Variants in CCSER1 observed in about 807,000 individuals in gnomAD.
The protein encoded by CCSER1 is serine-rich coiled-coil domain-containing protein 1.
In CCSER1, 41 loss-of-function variants were observed where a neutral mutation model predicts 82.0. That is an observed-to-expected ratio of 0.50 (90% CI 0.39 to 0.65). The LOEUF is 0.65. CCSER1 is among the 30% of genes least tolerant of loss of function. The pLI is 0.00. For synonymous variants in CCSER1, 414 were observed against 383.9 expected, an observed-to-expected ratio of 1.08 and a Z score of -0.92; for missense variants, 1,119 against 1,064.2, an observed-to-expected ratio of 1.05 and a Z score of -0.72.
At chr4:91,041,261 T>C (rs965506605) in intron 9 of CCSER1, among the ~76,000 whole-genome samples, 1 of 152,160 alleles carries the variant, frequency 6.6e-6, no homozygotes, top group Non-Finnish European at 1.5e-5. Context: ...CACATATCAT[T>C]TGAATTTTAT....
intron 1 of CCSER1, among the ~76,000 whole-genome samples, chr4:90,302,114 T>C (rs1733256264): frequency 6.6e-6 from 1 of 152,138 alleles, no homozygotes; most frequent in African/African-American, 2.4e-5. Context: ...TTTATGTAGG[T>C]TTGAAATCCT....
At chr4:91,486,645 TAAC>T (rs970269207) in intron 10 of CCSER1, among the ~76,000 whole-genome samples, 7 of 152,128 alleles carry the variant, frequency 4.6e-5, no homozygotes, top group African/African-American at 1.7e-4. Flanking sequence ...AAATACAGCA[TAAC>T]AACTATTTAC....
At chr4:91,578,969 C>T (rs1763594560) in intron 10 of CCSER1, among the ~76,000 whole-genome samples, 1 of 151,768 alleles carries the variant, frequency 6.6e-6, no homozygotes, top group African/African-American at 2.4e-5. Context: ...AGAGAAATCA[C>T]AAATACCTCA....
rs1395242877 is a variant in CCSER1 at position 91,604,697 on chromosome 4, A to G, written c.*5640A>G. On this transcript the variant is annotated 3_prime_UTR_variant, in exon 11 of 11. Coordinates refer to ENST00000509176, the MANE Select transcript of CCSER1 (RefSeq NM_001145065.2). ...CTTATACATACTTAAAAAACAAGAT[A>G]TTTACAAAAATATTTTAGATATTCC... 3 of 152,056 alleles carry G rather than the reference A, an allele frequency of 2.0e-5. No homozygotes were observed. The highest frequency in any genetic ancestry group is 2.9e-5 in the Non-Finnish European group (2 of 67,944). 9.4% of individuals were successfully genotyped at this position (152,056 alleles called of 1,614,324 possible).
At chr4:91,004,082 G>A (rs569308835) in intron 9 of CCSER1, among the ~76,000 whole-genome samples, 18 of 152,272 alleles carry the variant, frequency 1.2e-4, no homozygotes, top group African/African-American at 2.6e-4. Context: ...GGTGTCTCCC[G>A]GGTCCTACAG....
intron 4 of CCSER1, among the ~76,000 whole-genome samples, chr4:90,415,010 A>G (rs114498121): frequency 0.013 from 1,917 of 152,314 alleles, 43 homozygotes; most frequent in African/African-American, 0.043. Flanking sequence ...AAAAAATAAG[A>G]TGAGGCTATG....
chr4:91,161,419 G>GT (rs1294946535), intron 10 of CCSER1, among the ~76,000 whole-genome samples: 1 of 152,136 alleles, frequency 6.6e-6, no homozygotes, highest in Non-Finnish European at 1.5e-5. Context: ...CTTTAAAGTA[G>GT]TTTTTTCCAA....
chr4:91,087,356 A>C (rs1435269649), intron 10 of CCSER1, among the ~76,000 whole-genome samples: 3 of 152,072 alleles, frequency 2.0e-5, no homozygotes. Flanking sequence ...CAAATTCTGC[A>C]TTTGTTTTAC....
intron 3 of CCSER1, among the ~76,000 whole-genome samples, chr4:90,315,428 G>A (rs1171638364): frequency 6.6e-6 from 1 of 152,092 alleles, no homozygotes; most frequent in South Asian, 2.1e-4. Context: ...ACTACTTCAC[G>A]ATCTTACCAT....
intron 1 of CCSER1, among the ~76,000 whole-genome samples, chr4:90,256,953 TTACCATATATATG>T (rs1485880375): frequency 6.6e-6 from 1 of 152,114 alleles, no homozygotes; most frequent in Non-Finnish European, 1.5e-5. Flanking sequence ...AAATTAAATT[TTACCATATATATG>T]TATGTATAAG....
chr4:90,611,059 C>CTTTTCTTTTTTTTTTTTTTTTTTTTTTTT (rs1303751301), intron 5 of CCSER1, among the ~76,000 whole-genome samples: 7 of 93,822 alleles, frequency 7.5e-5, no homozygotes, highest in African/African-American at 3.9e-4. Context: ...CTTTTCTTTT[C>CTTTTCTTTTTTTTTTTTTTTTTTTTTTTT]TTTTTTTTTT....
intron 1 of CCSER1, among the ~76,000 whole-genome samples, chr4:90,242,735 A>G (rs925135292): frequency 6.6e-6 from 1 of 152,220 alleles, no homozygotes; most frequent in Admixed American, 6.5e-5. Flanking sequence ...TGTGACTGAT[A>G]TGCACACAAT....
chr4:91,449,907 T>G (rs138868194), intron 10 of CCSER1, among the ~76,000 whole-genome samples: 1,906 of 152,172 alleles, frequency 0.013, 47 homozygotes, highest in African/African-American at 0.044. Flanking sequence ...TTTTGAGGAG[T>G]TGAATTGAAA....
At chr4:91,186,468 C>G (rs368612955) in intron 10 of CCSER1, among the ~76,000 whole-genome samples, 1 of 152,020 alleles carries the variant, frequency 6.6e-6, no homozygotes, top group Non-Finnish European at 1.5e-5. Context: ...ACCATCGCTC[C>G]GGCAATCCTT....
chr4:90,327,404 G>A (rs1461932282), intron 3 of CCSER1, among the ~76,000 whole-genome samples: 1 of 152,126 alleles, frequency 6.6e-6, no homozygotes, highest in East Asian at 1.9e-4. Flanking sequence ...TTCTTCTGCT[G>A]TCTTGAGTTT....
At chr4:90,950,495 AACATAC>A (rs1732777762) in intron 9 of CCSER1, among the ~76,000 whole-genome samples, 1 of 151,812 alleles carries the variant, frequency 6.6e-6, no homozygotes. Context: ...CTTAAAACAA[AACATAC>A]ACATACACAC....
At chr4:90,978,347 T>G (rs940045140) in intron 9 of CCSER1, among the ~76,000 whole-genome samples, 1 of 151,676 alleles carries the variant, frequency 6.6e-6, no homozygotes, top group African/African-American at 2.4e-5. Context: ...ATGTTGAATG[T>G]ATGGAAAGCA....
chr4:90,130,838 G>T (rs2153312460), intron 1 of CCSER1, among the ~76,000 whole-genome samples: 1 of 152,154 alleles, frequency 6.6e-6, no homozygotes. Flanking sequence ...TGGCTAGGCT[G>T]GTCTCAAACT....
At chr4:90,280,514 C>G (rs1728668733) in intron 1 of CCSER1, among the ~76,000 whole-genome samples, 1 of 151,900 alleles carries the variant, frequency 6.6e-6, no homozygotes, top group African/African-American at 2.4e-5. Flanking sequence ...GCTGTTTCAT[C>G]TTACATGACA....
Sources: allele counts gnomAD v4.1 joint callset (sites outside exome capture counted in the v4.1 genomes callset), GRCh38; gene constraint gnomAD v4.1.1; transcripts MANE v1.5; gene names NCBI Gene and HGNC (gene_info 2026-07-23, HGNC 2026-07-21).